Variants in PRDM5 observed in about 807,000 individuals in gnomAD.
The protein encoded by PRDM5 is PR/SET domain 5.
PRDM5 carries 56 observed loss-of-function variants against 81.2 expected under a neutral mutation model. That is an observed-to-expected ratio of 0.69 (90% confidence interval 0.56 to 0.86). The LOEUF (loss-of-function observed/expected upper bound fraction) is 0.86. Among genes scored for constraint, PRDM5 ranks in the 40% least tolerant of loss-of-function variants. The pLI, the probability that PRDM5 is intolerant of heterozygous loss-of-function variation, is 0.00. For missense variants in PRDM5, 697 were observed against 770.1 expected (o/e 0.91, Z 1.12); for synonymous variants, 267 against 256.4 (o/e 1.04, Z -0.39).
chr4:120,868,841 C>G (rs934491809), intron 2 of PRDM5, among the ~76,000 whole-genome samples: 1 of 151,962 alleles, frequency 6.6e-6, no homozygotes, highest in Non-Finnish European at 1.5e-5. Context: ...AAAAATGAAG[C>G]CTATAGATAA....
chr4:120,687,745 C>T (rs1733889362), downstream of PRDM5, among the ~76,000 whole-genome samples: 1 of 152,092 alleles, frequency 6.6e-6, no homozygotes, highest in Non-Finnish European at 1.5e-5. Flanking sequence ...GCGCTCTGCC[C>T]TTATGAGTGA....
At chr4:120,719,643 G>T (rs575265375) in intron 14 of PRDM5, among the ~76,000 whole-genome samples, 1 of 152,184 alleles carries the variant, frequency 6.6e-6, no homozygotes, top group East Asian at 1.9e-4. Flanking sequence ...CCTTGAATTA[G>T]ATATAATTTT....
In PRDM5 at chr4:120,811,443, G is replaced by A; in HGVS notation, c.872C>T (p.Pro291Leu). 1.3e-6 allele frequency: 2 copies of A among 1,580,630 alleles called. No individual in the cohort carries two copies. Among genetic ancestry groups the A allele is most frequent in the Admixed American group, 1.7e-5 (1 of 59,608 alleles). ...CACTGAACATATAAGCTTTTTCTTAGGATCTCCTAAAATAGAAATAAAATA... is the reference window on the plus strand; with the variant it reads ...CACTGAACATATAAGCTTTTTCTTAAGATCTCCTAAAATAGAAATAAAATA... ...RHQENVHTGD[P>L]KKKLICSVCN... The change falls in exon 8 of 16, where the codon CCT becomes CTT. Residue 291 changes from proline to leucine, a missense_variant. Physicochemically the swap from Pro to Leu is moderately conservative, Grantham distance 98 (BLOSUM62 -3). Around this residue, in one of 3 missense-constraint regions of PRDM5, gnomAD observed 577 missense variants for 606.7 expected, o/e 0.95. Transcript: ENST00000264808.
At chr4:120,920,108 T>A (rs1164793380) in intron 1 of PRDM5, among the ~76,000 whole-genome samples, 1 of 152,084 alleles carries the variant, frequency 6.6e-6, no homozygotes. Context: ...GACTAGAGGA[T>A]TAAGAGGTAC....
At chr4:120,698,897 A>G (rs2148993240) in intron 15 of PRDM5, among the ~76,000 whole-genome samples, 1 of 152,168 alleles carries the variant, frequency 6.6e-6, no homozygotes, top group Middle Eastern at 3.4e-3. Context: ...GTTTACTCAG[A>G]CCAGTGCTTC....
At chr4:120,821,391 T>C in intron 3 of PRDM5, 46 bp from the exon 4 acceptor site, 1 of 1,532,230 alleles carries the variant, frequency 6.5e-7, no homozygotes, top group Non-Finnish European at 9.0e-7. Flanking sequence ...TTGTTTCTGA[T>C]AGTAATTAAG....
intron 14 of PRDM5, among the ~76,000 whole-genome samples, chr4:120,752,114 G>A (rs1377733346): frequency 6.6e-6 from 1 of 152,196 alleles, no homozygotes; most frequent in African/African-American, 2.4e-5. Context: ...TGACCTTGCA[G>A]AGGTTGTTCC....
At chr4:120,779,931 A>AT (rs36103650) in intron 12 of PRDM5, among the ~76,000 whole-genome samples, 1 of 150,374 alleles carries the variant, frequency 6.7e-6, no homozygotes, top group African/African-American at 2.4e-5. Context: ...CAAACAAACA[A>AT]ACAATATATA....
At chr4:120,812,493 T>C (rs1753983156) in intron 7 of PRDM5, 1 of 171,548 alleles carries the variant, frequency 5.8e-6, no homozygotes, top group Non-Finnish European at 1.2e-5. Context: ...TATCTCACTG[T>C]AGTTTTGATT....
chr4:120,702,742 T>C (rs2149004303), intron 15 of PRDM5, among the ~76,000 whole-genome samples: 1 of 152,276 alleles, frequency 6.6e-6, no homozygotes, highest in African/African-American at 2.4e-5. Flanking sequence ...TGCTAAATTG[T>C]TTTTATAAGT....
intron 14 of PRDM5, among the ~76,000 whole-genome samples, chr4:120,742,124 AC>A (rs1268731292): frequency 8.6e-5 from 13 of 152,022 alleles, no homozygotes; most frequent in South Asian, 4.2e-4. Context: ...CTGACCCCTG[AC>A]CCCCCGAGCA....
At chr4:120,725,736 G>A (rs1409558935) in intron 14 of PRDM5, among the ~76,000 whole-genome samples, 1 of 152,106 alleles carries the variant, frequency 6.6e-6, no homozygotes, top group African/African-American at 2.4e-5. Context: ...ATATTAAACA[G>A]CATCATCTGA....
rs1734691599 is a variant in PRDM5, at chr4:120,697,668, C to CT, written c.1729-2394dup. 6.4e-3 allele frequency among the ~76,000 whole-genome samples: 276 copies of CT among 42,844 alleles called. 8 individuals carry two copies. The highest frequency in any genetic ancestry group is 0.014 in the South Asian group (13 of 954). The allele number at this position is 42,844 out of a possible 152,430, so 28.1% of individuals were successfully genotyped here. On this transcript the variant is annotated intron_variant, in intron 15 of 15. Coordinates refer to ENST00000264808, the MANE Select transcript of PRDM5 (RefSeq NM_018699.4). Reference sequence around the variant, plus strand: ...GCCAGATGCCACCATGCCCAGCTAACTATTTTTTTTTTTTTTTTTTTTTTG... The same window carrying CT: ...GCCAGATGCCACCATGCCCAGCTAACTTATTTTTTTTTTTTTTTTTTTTTTG...
intron 13 of PRDM5, chr4:120,762,654 G>A (rs1206758068): frequency 6.6e-6 from 1 of 152,120 alleles, no homozygotes; most frequent in Admixed American, 6.6e-5. Flanking sequence ...ACACCATAGA[G>A]AGAAGTGAAA....
chr4:120,772,035 C>T (rs572934308), intron 13 of PRDM5, among the ~76,000 whole-genome samples: 1 of 152,206 alleles, frequency 6.6e-6, no homozygotes, highest in African/African-American at 2.4e-5. Flanking sequence ...ATATGACTAG[C>T]TAGTGGCAGG....
intron 1 of PRDM5, among the ~76,000 whole-genome samples, chr4:120,921,668 G>A (rs1724937050): frequency 6.6e-6 from 1 of 152,176 alleles, no homozygotes. Flanking sequence ...GGACGGCTAG[G>A]ACGACTCTAA....
At chr4:120,909,474 T>G (rs1480476895) in intron 1 of PRDM5, among the ~76,000 whole-genome samples, 1 of 152,220 alleles carries the variant, frequency 6.6e-6, no homozygotes, top group Non-Finnish European at 1.5e-5. Context: ...TAAATATGAA[T>G]GAATGTGGTT....
At chr4:120,750,160 G>C (rs557298107) in intron 14 of PRDM5, among the ~76,000 whole-genome samples, 1 of 152,324 alleles carries the variant, frequency 6.6e-6, no homozygotes. Context: ...GCCACATGTA[G>C]CTAGTGGTTA....
At chr4:120,861,919 T>A (rs555587294) in intron 2 of PRDM5, among the ~76,000 whole-genome samples, 11 of 152,088 alleles carry the variant, frequency 7.2e-5, no homozygotes, top group South Asian at 2.1e-4. Context: ...GAGAAAAAAA[T>A]TTTTTTAATC....
Sources: allele counts gnomAD v4.1 joint callset (sites outside exome capture counted in the v4.1 genomes callset), GRCh38; gene constraint gnomAD v4.1.1; regional missense constraint gnomAD v4.1.1; transcripts MANE v1.5; gene names NCBI Gene and HGNC (gene_info 2026-07-23, HGNC 2026-07-21).